ULK4: variants seen among roughly 807,000 people sequenced by gnomAD.
ULK4 encodes the protein unc-51 like kinase 4, also known as inactive serine/threonine-protein kinase ULK4.
In ULK4, 133 loss-of-function variants were observed where a neutral mutation model predicts 160.6. That is an observed-to-expected ratio of 0.83 (90% CI 0.72 to 0.96). ULK4 has a LOEUF of 0.96. Among genes scored for constraint, ULK4 ranks in the 40% least tolerant of loss-of-function variants. The probability of loss-of-function intolerance (pLI) is 0.00; values close to 1 mark genes in which losing one functional copy is unlikely to be tolerated. For synonymous variants in ULK4, 534 were observed against 539.8 expected (o/e 0.99, Z 0.15); for missense variants, 1,580 against 1,499.5 (o/e 1.05, Z -0.89).
intron 32 of ULK4, among the ~76,000 whole-genome samples, chr3:41,550,688 T>C (rs185204078): frequency 7.9e-5 from 12 of 152,076 alleles, no homozygotes; most frequent in Admixed American, 7.9e-4. Flanking sequence ...ATACAATAGT[T>C]GGGGATTTTG....
chr3:41,458,646 C>T (rs78262405), intron 33 of ULK4, among the ~76,000 whole-genome samples: 2,748 of 152,190 alleles, frequency 0.018, 90 homozygotes, highest in African/African-American at 0.064. Context: ...TCTAGCATTG[C>T]TACACAAATC....
chr3:41,938,939 G>A (rs922233108), intron 2 of ULK4, among the ~76,000 whole-genome samples: 2 of 152,068 alleles, frequency 1.3e-5, no homozygotes, highest in African/African-American at 2.4e-5. Flanking sequence ...TTTCTGCTAA[G>A]TAAACATAAC....
At chr3:41,253,058 T>C (rs2125669703) in intron 35 of ULK4, among the ~76,000 whole-genome samples, 1 of 152,172 alleles carries the variant, frequency 6.6e-6, no homozygotes, top group South Asian at 2.1e-4. Context: ...AGAAATGATA[T>C]CATAGTTTCA....
rs140976902 is a variant in ULK4 at position 41,865,227 on chromosome 3, C to T, written c.1656+18647G>A. The stretch of plus-strand genomic sequence containing the variant: ...GGCGGAGGTTGCAGTGAACCGATCA[C>T]GCCACTGCACTCCAGCCTGGGCAAC... On this transcript the variant is annotated intron_variant, in intron 17 of 36. Transcript: ENST00000301831. 3.9e-3 allele frequency among the ~76,000 whole-genome samples: 536 copies of T among 138,634 alleles called. 4 individuals are homozygous for T. Among genetic ancestry groups the T allele is most frequent in the Non-Finnish European group, 6.2e-3 (408 of 66,004 alleles). The allele number at this position is 138,634 out of a possible 152,430, so 90.9% of individuals were successfully genotyped here. A position where few individuals can be genotyped will look rare whatever the true frequency, so the allele number is the denominator to read the frequency against.
At chr3:41,688,472 T>C (rs995164393) in intron 27 of ULK4, among the ~76,000 whole-genome samples, 3 of 152,176 alleles carry the variant, frequency 2.0e-5, no homozygotes, top group Non-Finnish European at 4.4e-5. Context: ...GCTAAAAAGT[T>C]TTCTTGGGGC....
At position 41,913,979 on chromosome 3, in the gene ULK4, G is replaced by A. The variant is rs376463843; in HGVS notation, c.804-1080C>T. 3.4e-3 allele frequency among the ~76,000 whole-genome samples: 523 copies of A among 152,148 alleles called. 2 individuals are homozygous for A. The highest frequency in any genetic ancestry group is 0.012 in the African/African-American group (485 of 41,518). On this transcript the variant is annotated intron_variant, in intron 8 of 36. Coordinates refer to ENST00000301831, the MANE Select transcript of ULK4 (RefSeq NM_017886.4). Reference sequence around the variant, plus strand: ...CCCCGTCTCCGGGAGGGGGTGCGGCGGTGGGAGGAAAGAATATCAGCTTCA... The same window carrying A: ...CCCCGTCTCCGGGAGGGGGTGCGGCAGTGGGAGGAAAGAATATCAGCTTCA...
At chr3:41,697,590 G>A (rs2036543319) in intron 27 of ULK4, among the ~76,000 whole-genome samples, 1 of 152,000 alleles carries the variant, frequency 6.6e-6, no homozygotes, top group Non-Finnish European at 1.5e-5. Context: ...ATTTAATACT[G>A]AAGAAAGAAA....
intron 35 of ULK4, chr3:41,260,095 C>T (rs1444758274): frequency 1.3e-5 from 2 of 152,154 alleles, no homozygotes; most frequent in Non-Finnish European, 2.9e-5. Flanking sequence ...CCTATCCATC[C>T]AGCCCCTTCA....
intron 21 of ULK4, among the ~76,000 whole-genome samples, chr3:41,785,773 C>A (rs2039982351): frequency 6.6e-6 from 1 of 152,116 alleles, no homozygotes; most frequent in East Asian, 1.9e-4. Flanking sequence ...AGACAATGAT[C>A]ATTGCACTAA....
intron 17 of ULK4, chr3:41,859,443 A>G (rs2042445574): frequency 3.6e-6 from 2 of 556,928 alleles, no homozygotes; most frequent in South Asian, 2.8e-5. Flanking sequence ...AAATCAGCCA[A>G]AAGAGATAGC....
chr3:41,894,868 G>C (rs1487534289), intron 16 of ULK4, among the ~76,000 whole-genome samples: 1 of 152,142 alleles, frequency 6.6e-6, no homozygotes, highest in Non-Finnish European at 1.5e-5. Flanking sequence ...TTGGCAAACA[G>C]AACCCAGAGC....
At chr3:41,929,076 G>A (rs1005723307) in intron 5 of ULK4, among the ~76,000 whole-genome samples, 3 of 151,156 alleles carry the variant, frequency 2.0e-5, no homozygotes, top group South Asian at 2.1e-4. Context: ...GATAAACATC[G>A]ATGTGAAAAT....
intron 2 of ULK4, among the ~76,000 whole-genome samples, chr3:41,944,111 G>A (rs1037292330): frequency 2.6e-5 from 4 of 152,118 alleles, no homozygotes; most frequent in Admixed American, 1.3e-4. Flanking sequence ...GTAACCCCGT[G>A]GCACCCTCTT....
At chr3:41,572,572 A>C (rs759433058) in intron 31 of ULK4, among the ~76,000 whole-genome samples, 8 of 150,602 alleles carry the variant, frequency 5.3e-5, no homozygotes, top group Non-Finnish European at 8.9e-5. Context: ...CATCCTGGCT[A>C]ACATGGTGAA....
chr3:41,717,718 T>G lies in ULK4; in HGVS notation c.2455+10A>C, dbSNP rs1277701517. ...CAGAAATGGGGCCTGAGGATGAGAC[T>G]CCAATTTACCCAGGATTCGTGGCAG... On this transcript the variant is annotated intron_variant, in intron 23 of 36. Coordinates refer to ENST00000301831, the MANE Select transcript of ULK4 (RefSeq NM_017886.4). The G allele has an allele frequency of 1.2e-6, 2 of 1,605,204 alleles. No homozygotes were observed. Among genetic ancestry groups the G allele is most frequent in the African/African-American group, 1.3e-5 (1 of 74,810 alleles).
intron 22 of ULK4, among the ~76,000 whole-genome samples, chr3:41,743,994 C>T (rs959761756): frequency 1.3e-5 from 2 of 151,822 alleles, no homozygotes; most frequent in Admixed American, 6.6e-5. Context: ...TCTTCATTCA[C>T]AGTGATAACA....
intron 34 of ULK4, among the ~76,000 whole-genome samples, chr3:41,442,445 C>A (rs1002754995): frequency 6.6e-6 from 1 of 151,950 alleles, no homozygotes; most frequent in African/African-American, 2.4e-5. Context: ...GTATGTGTGT[C>A]CTATATTATA....
At chr3:41,666,251 A>G (rs1188143974) in intron 29 of ULK4, among the ~76,000 whole-genome samples, 1 of 152,210 alleles carries the variant, frequency 6.6e-6, no homozygotes, top group Admixed American at 6.5e-5. Flanking sequence ...TTGTAGCCCA[A>G]GGCCCCCATC....
chr3:41,355,615 T>A (rs541680403), intron 35 of ULK4, among the ~76,000 whole-genome samples: 1 of 152,222 alleles, frequency 6.6e-6, no homozygotes, highest in African/African-American at 2.4e-5. Flanking sequence ...TCATGTTTTA[T>A]GCAAATTAGA....
Sources: allele counts gnomAD v4.1 joint callset (sites outside exome capture counted in the v4.1 genomes callset), GRCh38; gene constraint gnomAD v4.1.1; transcripts MANE v1.5; gene names NCBI Gene and HGNC (gene_info 2026-07-23, HGNC 2026-07-21).